The following EYS variants were observed in gnomAD, a reference collection of about 807,000 sequenced individuals.
EYS encodes the protein EGF-like photoreceptor maintenance factor.
In EYS, 250 loss-of-function variants were observed where a neutral mutation model predicts 282.1. The observed-to-expected ratio is 0.89, with a 90% CI of 0.80 to 0.98. EYS has a LOEUF of 0.98. Ranked by LOEUF, EYS falls within the 50% of genes least tolerant of loss-of-function variation. The pLI, the probability that EYS is intolerant of heterozygous loss-of-function variation, is 0.00. For synonymous variants in EYS, 1,355 were observed against 1,282.9 expected (o/e 1.06, Z -1.20); for missense variants, 4,016 against 3,709.0 (o/e 1.08, Z -2.15).
chr6:65,003,836 C>A lies in EYS; in HGVS notation c.2138-6133G>T, dbSNP rs1223833354. The stretch of plus-strand genomic sequence containing the variant: ...TAAAACCAAATAAGATAGTTTTTTG[C>A]AACACCCTTCTAGACCTTTGTTTAT... On this transcript the variant is annotated intron_variant, in intron 13 of 42. Transcript: ENST00000503581. Among the ~76,000 whole-genome samples, 2 of 147,260 alleles carry A rather than the reference C, an allele frequency of 1.4e-5. 1 individual carries two copies. Among genetic ancestry groups the A allele is most frequent in the Admixed American group, 1.3e-4 (2 of 14,824 alleles).
At chr6:64,466,231 T>G (rs1344012695) in intron 26 of EYS, among the ~76,000 whole-genome samples, 2 of 152,070 alleles carry the variant, frequency 1.3e-5, no homozygotes, top group Admixed American at 1.3e-4. Context: ...TAATATAATC[T>G]AGCAATCCCA....
chr6:65,356,795 G>C (rs548313546), intron 8 of EYS, among the ~76,000 whole-genome samples: 1 of 152,064 alleles, frequency 6.6e-6, no homozygotes, highest in Admixed American at 6.6e-5. Context: ...TAATTTAAAA[G>C]AGCAATTTAT....
Position 65,141,156 on chromosome 6 carries a change from G to A in EYS, c.2024-83429C>T, listed in dbSNP as rs934111971. ...GCACATATACACCATGGAATACTATGCAGCCACAAAAAATGATGAGTTCAT... is the reference window on the plus strand; with the variant it reads ...GCACATATACACCATGGAATACTATACAGCCACAAAAAATGATGAGTTCAT... On this transcript the variant is annotated intron_variant, in intron 12 of 42. Transcript: ENST00000503581. Among the ~76,000 whole-genome samples the A allele has an allele frequency of 2.0e-5, 3 of 151,984 alleles. No homozygotes were observed. The South Asian group carries it at 6.2e-4, about 31-fold the overall frequency.
At chr6:63,755,431 G>C (rs1033830142) in intron 41 of EYS, among the ~76,000 whole-genome samples, 11 of 152,174 alleles carry the variant, frequency 7.2e-5, no homozygotes, top group African/African-American at 2.2e-4. Context: ...TCAAAGATCA[G>C]ATGGCTGTAG....
Position 64,548,155 on chromosome 6 carries a change from G to C in EYS, c.5644+42068C>G, listed in dbSNP as rs575029141. Among the ~76,000 whole-genome samples, 443 of 152,302 alleles carry C rather than the reference G, an allele frequency of 2.9e-3. 1 individual carries two copies. Among genetic ancestry groups the C allele is most frequent in the African/African-American group, 0.01 (419 of 41,572 alleles). On this transcript the variant is annotated intron_variant, in intron 26 of 42. Coordinates refer to ENST00000503581, the MANE Select transcript of EYS (RefSeq NM_001142800.2). The stretch of plus-strand genomic sequence containing the variant: ...AGGGCTCCTCAAGTGCTGCCAAAGT[G>C]GGAGCCAAGGCAGAGGAGGCACCAA...
intron 12 of EYS, among the ~76,000 whole-genome samples, chr6:65,274,085 C>T (rs185856336): frequency 6.6e-6 from 1 of 152,244 alleles, no homozygotes; most frequent in African/African-American, 2.4e-5. Flanking sequence ...AGTCCCCAGA[C>T]ACACCCTGTG....
At chr6:65,060,230 C>CA (rs1773528324) in intron 12 of EYS, among the ~76,000 whole-genome samples, 1 of 146,280 alleles carries the variant, frequency 6.8e-6, no homozygotes, top group African/African-American at 2.5e-5. Context: ...ACAAGGAAGA[C>CA]TTTTTTTTTT....
chr6:65,221,531 T>G (rs1766465155), intron 12 of EYS, among the ~76,000 whole-genome samples: 1 of 152,178 alleles, frequency 6.6e-6, no homozygotes, highest in East Asian at 1.9e-4. Flanking sequence ...GAGATTTGCA[T>G]AGATTTCAAA....
At chr6:64,798,168 T>C (rs1014132787) in intron 22 of EYS, among the ~76,000 whole-genome samples, 26 of 151,938 alleles carry the variant, frequency 1.7e-4, no homozygotes, top group African/African-American at 5.8e-4. Context: ...AGTGTTTAAC[T>C]TGGAATGATA....
intron 19 of EYS, among the ~76,000 whole-genome samples, chr6:64,866,673 T>G (rs1451026460): frequency 6.6e-6 from 1 of 151,756 alleles, no homozygotes; most frequent in East Asian, 1.9e-4. Context: ...AGATAATATT[T>G]GTAGTTCTAC....
chr6:64,884,626 A>G (rs976230485), intron 19 of EYS, among the ~76,000 whole-genome samples: 1 of 151,536 alleles, frequency 6.6e-6, no homozygotes, highest in African/African-American at 2.4e-5. Context: ...AGTGTCTGAG[A>G]ATAAGAAAAA....
intron 42 of EYS, among the ~76,000 whole-genome samples, chr6:63,724,269 C>T (rs1768527528): frequency 6.6e-6 from 1 of 152,172 alleles, no homozygotes; most frequent in South Asian, 2.1e-4. Context: ...TCTACCTCAT[C>T]ATCTGCTATC....
intron 31 of EYS, among the ~76,000 whole-genome samples, chr6:64,143,739 A>G (rs1774420455): frequency 6.6e-6 from 1 of 152,246 alleles, no homozygotes; most frequent in Non-Finnish European, 1.5e-5. Flanking sequence ...GTCAGGGACC[A>G]CAGTCTCTTT....
intron 12 of EYS, among the ~76,000 whole-genome samples, chr6:65,088,906 G>T (rs890560394): frequency 1.3e-5 from 2 of 152,108 alleles, no homozygotes; most frequent in Non-Finnish European, 2.9e-5. Context: ...GGCAAAAAAG[G>T]GCCAAGGTAC....
chr6:64,508,828 G>A (rs1481197653), intron 26 of EYS, among the ~76,000 whole-genome samples: 1 of 151,854 alleles, frequency 6.6e-6, no homozygotes, highest in Non-Finnish European at 1.5e-5. Flanking sequence ...GTTTTAGCAT[G>A]ATTCAAACTG....
At chr6:64,384,647 G>C (rs993405922) in intron 29 of EYS, among the ~76,000 whole-genome samples, 1 of 152,140 alleles carries the variant, frequency 6.6e-6, no homozygotes, top group African/African-American at 2.4e-5. Flanking sequence ...CCGAAAGCAA[G>C]AGTCCATGCA....
At chr6:64,966,899 G>A (rs1349059601) in intron 14 of EYS, among the ~76,000 whole-genome samples, 1 of 152,100 alleles carries the variant, frequency 6.6e-6, no homozygotes, top group Non-Finnish European at 1.5e-5. Context: ...CATCTCTTTA[G>A]TGGCCATCAA....
intron 8 of EYS, among the ~76,000 whole-genome samples, chr6:65,356,070 CA>C (rs1764471194): frequency 6.6e-6 from 1 of 152,026 alleles, no homozygotes; most frequent in South Asian, 2.1e-4. Context: ...AATGTGGGAT[CA>C]ATCTAAGTGT....
chr6:63,734,248 G>C (rs1768853639), intron 41 of EYS, among the ~76,000 whole-genome samples: 1 of 151,934 alleles, frequency 6.6e-6, no homozygotes, highest in Non-Finnish European at 1.5e-5. Context: ...TAACAAACCT[G>C]CACATGTACC....
Sources: gnomAD v4.1 joint callset for allele counts (sites outside exome capture counted in the v4.1 genomes callset) on GRCh38, gnomAD v4.1.1 for gene constraint, MANE v1.5 for transcripts, NCBI Gene and HGNC (gene_info 2026-07-23, HGNC 2026-07-21) for gene names.